The following GRIP1 variants were observed in gnomAD, a reference collection of about 807,000 sequenced individuals.
GRIP1 encodes glutamate receptor interacting protein 1.
A neutral mutation model predicts 129.9 loss-of-function variants in GRIP1; 45 were observed. The observed-to-expected ratio is 0.35, with a 90% CI of 0.27 to 0.44. The LOEUF (loss-of-function observed/expected upper bound fraction) is 0.44, where lower values mean the gene tolerates loss of function less well. GRIP1 is among the 20% of genes least tolerant of loss of function. The pLI is 1.00. For missense variants in GRIP1, 1,196 were observed against 1,396.8 expected, an observed-to-expected ratio of 0.86 and a Z score of 2.29; for synonymous variants, 530 against 520.8, an observed-to-expected ratio of 1.02 and a Z score of -0.24.
intron 5 of GRIP1, among the ~76,000 whole-genome samples, chr12:66,520,730 C>T (rs1325624075): frequency 6.6e-6 from 1 of 152,152 alleles, no homozygotes; most frequent in Non-Finnish European, 1.5e-5. Flanking sequence ...TGCTTCTATT[C>T]TGTTTATTTC....
intron 1 of GRIP1, among the ~76,000 whole-genome samples, chr12:66,984,830 G>A (rs2042287952): frequency 6.6e-6 from 1 of 152,190 alleles, no homozygotes; most frequent in Non-Finnish European, 1.5e-5. Context: ...TGCTAGCCAT[G>A]CATTCTGGTT....
chr12:66,585,176 T>C (rs1429969732), intron 2 of GRIP1, among the ~76,000 whole-genome samples: 2 of 149,116 alleles, frequency 1.3e-5, no homozygotes, highest in Non-Finnish European at 3.0e-5. Flanking sequence ...TATGTATACA[T>C]GTGCCATGCT....
chr12:67,040,514 T>C (rs2043160947), intron 1 of GRIP1, among the ~76,000 whole-genome samples: 2 of 152,168 alleles, frequency 1.3e-5, no homozygotes, highest in Admixed American at 6.5e-5. Flanking sequence ...AGAGAGTCCT[T>C]TGAGACTCCA....
intron 1 of GRIP1, among the ~76,000 whole-genome samples, chr12:66,694,593 T>C (rs1293506944): frequency 6.6e-6 from 1 of 152,146 alleles, no homozygotes; most frequent in African/African-American, 2.4e-5. Context: ...TAAAAATATC[T>C]AGTGTGAGGA....
At chr12:66,404,350 C>G (rs1346106361) in intron 16 of GRIP1, among the ~76,000 whole-genome samples, 5 of 152,086 alleles carry the variant, frequency 3.3e-5, no homozygotes, top group African/African-American at 1.2e-4. Context: ...AACAAAATCC[C>G]AGAACATTGC....
At chr12:66,730,701 C>CAAAAAAAAA (rs3051132) in intron 1 of GRIP1, among the ~76,000 whole-genome samples, 37 of 71,120 alleles carry the variant, frequency 5.2e-4, no homozygotes, top group Non-Finnish European at 7.2e-4. Flanking sequence ...GGGTCATCTA[C>CAAAAAAAAA]AAAAAAAAAA....
At chr12:66,930,875 G>A (rs2041382892) in intron 1 of GRIP1, among the ~76,000 whole-genome samples, 1 of 152,136 alleles carries the variant, frequency 6.6e-6, no homozygotes, top group Non-Finnish European at 1.5e-5. Flanking sequence ...GGAGCAGATT[G>A]AATCCCAGAC....
rs1379250780 is a variant in GRIP1 at position 66,349,119 on chromosome 12, T to A, written c.3287A>T (p.Gln1096Leu). The part of the protein sequence containing the change: ...PLASQKSIDQ[Q>L]SLPGDWSEQN... ...TTCACTCCAATCTCCTGGTAGACTC[T>A]GTTGGTCTATAGACTTCTGTGAAGC... The change falls in exon 25 of 25, where the codon CAG becomes CTG. Residue 1096 changes from glutamine to leucine, a missense_variant. Gln to Leu is a moderately radical substitution (Grantham distance 113). Coordinates refer to ENST00000359742, the MANE Select transcript of GRIP1 (RefSeq NM_001366722.1). The A allele has an allele frequency of 6.2e-7, 1 of 1,614,008 alleles. No homozygotes were observed. Among genetic ancestry groups the A allele is most frequent in the African/African-American group, 1.3e-5 (1 of 75,048 alleles).
chr12:66,836,412 G>A (rs910308698), intron 1 of GRIP1, among the ~76,000 whole-genome samples: 2 of 152,136 alleles, frequency 1.3e-5, no homozygotes, highest in African/African-American at 4.8e-5. Flanking sequence ...GAGCTTTCAA[G>A]CAATGACATA....
At chr12:66,739,943 A>ATTCATGAG (rs1464664926) in intron 1 of GRIP1, among the ~76,000 whole-genome samples, 2 of 152,156 alleles carry the variant, frequency 1.3e-5, no homozygotes, top group Non-Finnish European at 2.9e-5. Flanking sequence ...ATTCTAGGAA[A>ATTCATGAG]TGGATTAGGA....
At chr12:66,475,645 A>G (rs1168955270) in intron 7 of GRIP1, among the ~76,000 whole-genome samples, 4 of 152,230 alleles carry the variant, frequency 2.6e-5, no homozygotes, top group Admixed American at 6.5e-5. Flanking sequence ...ACCACAGTGC[A>G]ATCAAAATAG....
intron 9 of GRIP1, among the ~76,000 whole-genome samples, chr12:66,461,475 T>C (rs2059134507): frequency 6.6e-6 from 1 of 152,210 alleles, no homozygotes; most frequent in Admixed American, 6.5e-5. Context: ...GGCCTCCTGA[T>C]AGGAATGGTG....
In GRIP1 at chr12:66,984,708, A is replaced by G. The variant is rs188901255; in HGVS notation, c.58+84342T>C. On this transcript the variant is annotated intron_variant, in intron 1 of 1. Transcript: ENST00000643019. The stretch of plus-strand genomic sequence containing the variant: ...TTGTATTATCTGTTGACTAGATCCC[A>G]TGAACTTTGTTTGGCTATTAGAGTC... 7.4e-4 allele frequency among the ~76,000 whole-genome samples: 112 copies of G among 152,338 alleles called. 1 individual carries two copies. Among genetic ancestry groups the G allele is most frequent in the Middle Eastern group, 6.8e-3 (2 of 294 alleles).
chr12:66,538,982 T>C, intron 4 of GRIP1, 96 bp downstream of exon 4: 1 of 1,026,046 alleles, frequency 9.7e-7, no homozygotes, highest in Non-Finnish European at 1.5e-6. Context: ...GAAAAAAACC[T>C]GATATATATA....
chr12:66,589,760 G>C (rs74411262), intron 2 of GRIP1, among the ~76,000 whole-genome samples: 2 of 152,062 alleles, frequency 1.3e-5, no homozygotes, highest in African/African-American at 2.4e-5. Context: ...CAAAAATCAT[G>C]AGGATGACAT....
At position 66,599,113 on chromosome 12, in the gene GRIP1, G is replaced by T. The variant is rs557651810; in HGVS notation, c.56-2186C>A. Among the ~76,000 whole-genome samples the T allele has an allele frequency of 1.5e-3, 225 of 152,214 alleles. 1 individual carries two copies. The highest frequency in any genetic ancestry group is 5.1e-3 in the African/African-American group (211 of 41,540). ...TTTAAAAGGTTGAAACTGAATTATA[G>T]ATGACCACCTGGCCAGCCTCTCCAT... On this transcript the variant is annotated intron_variant, in intron 1 of 24. Transcript: ENST00000359742.
At chr12:66,695,913 G>T (rs1200587372) in intron 1 of GRIP1, among the ~76,000 whole-genome samples, 1 of 152,114 alleles carries the variant, frequency 6.6e-6, no homozygotes, top group Non-Finnish European at 1.5e-5. Context: ...AGAGGAGGTG[G>T]GACTGGAGGT....
chr12:66,375,987 G>C (rs895545933), intron 22 of GRIP1, among the ~76,000 whole-genome samples: 4 of 152,238 alleles, frequency 2.6e-5, no homozygotes, highest in Non-Finnish European at 5.9e-5. Context: ...TCTACATGCA[G>C]AAGGTGGTAC....
chr12:66,931,721 T>C (rs1179949827), intron 1 of GRIP1, among the ~76,000 whole-genome samples: 1 of 152,116 alleles, frequency 6.6e-6, no homozygotes, highest in East Asian at 1.9e-4. Context: ...AAATTAGAAA[T>C]CTGAGAATAT....
Sources: allele counts gnomAD v4.1 joint callset (sites outside exome capture counted in the v4.1 genomes callset), GRCh38; gene constraint gnomAD v4.1.1; transcripts MANE v1.5; gene names NCBI Gene and HGNC (gene_info 2026-07-23, HGNC 2026-07-21).